CEP63: variants seen among roughly 807,000 people sequenced by gnomAD.
CEP63 encodes centrosomal protein of 63 kDa.
CEP63 carries 84 observed loss-of-function variants against 89.1 expected under a neutral mutation model. The ratio of observed to expected loss-of-function variants is 0.94; its 90% CI spans 0.79 to 1.13. CEP63 has a LOEUF of 1.13. CEP63 is among the 50% of genes most tolerant of loss of function. The probability of loss-of-function intolerance (pLI) is 0.00; values close to 1 mark genes in which losing one functional copy is unlikely to be tolerated. For synonymous variants in CEP63, 267 were observed against 272.5 expected, an observed-to-expected ratio of 0.98 and a Z score of 0.20; for missense variants, 838 against 813.3, an observed-to-expected ratio of 1.03 and a Z score of -0.37.
the CEP63 span, among the ~76,000 whole-genome samples, chr3:134,727,178 G>A: frequency 2.0e-5 from 3 of 152,286 alleles, no homozygotes; most frequent in East Asian, 5.8e-4. Flanking sequence ...AGCCCAGTCT[G>A]CAAAGGGGAG....
At chr3:134,497,327 A>G (rs558191985) in intron 2 of CEP63, among the ~76,000 whole-genome samples, 2 of 152,268 alleles carry the variant, frequency 1.3e-5, no homozygotes, top group African/African-American at 4.8e-5. Context: ...TCTTAACCAT[A>G]AAATCTTTGC....
At chr3:134,776,441 T>C in the CEP63 span, among the ~76,000 whole-genome samples, 1 of 152,176 alleles carries the variant, frequency 6.6e-6, no homozygotes, top group Non-Finnish European at 1.5e-5. Flanking sequence ...ATCTGGTGTA[T>C]ATTACACTGA....
At chr3:134,751,943 T>C in the CEP63 span, among the ~76,000 whole-genome samples, 41 of 152,028 alleles carry the variant, frequency 2.7e-4, no homozygotes, top group African/African-American at 8.4e-4. Flanking sequence ...TTTATTGGAG[T>C]TGTGTTTCTG....
At chr3:134,566,353 C>CA (rs986608297), downstream of CEP63, among the ~76,000 whole-genome samples, 1 of 151,830 alleles carries the variant, frequency 6.6e-6, no homozygotes, top group Admixed American at 6.6e-5. Context: ...ATATTAAATG[C>CA]AAAAAATGTG....
the CEP63 span, among the ~76,000 whole-genome samples, chr3:134,728,288 T>C: frequency 6.6e-6 from 1 of 152,162 alleles, no homozygotes; most frequent in African/African-American, 2.4e-5. Flanking sequence ...GGAAGGCAAA[T>C]TGGAAATGTG....
the CEP63 span, among the ~76,000 whole-genome samples, chr3:134,744,222 G>A: frequency 5.3e-5 from 8 of 152,054 alleles, no homozygotes; most frequent in South Asian, 4.1e-4. Context: ...AGGATATTAG[G>A]GCCCCTAGGT....
At position 134,561,646 on chromosome 3, in the gene CEP63, C is replaced by A; in HGVS notation, c.*111C>A. The A allele has an allele frequency of 6.6e-7, 1 of 1,511,368 alleles. No individual in the cohort carries two copies. Among genetic ancestry groups the A allele is most frequent in the Non-Finnish European group, 8.8e-7 (1 of 1,132,542 alleles). The allele number at this position is 1,511,368 out of a possible 1,614,324, so 93.6% of individuals were successfully genotyped here. A position where few individuals can be genotyped will look rare whatever the true frequency, so the allele number is the denominator to read the frequency against. On this transcript the variant is annotated 3_prime_UTR_variant, in exon 15 of 15. Coordinates refer to ENST00000675561, the MANE Select transcript of CEP63 (RefSeq NM_001353108.3). Reference sequence around the variant, plus strand: ...AAGAGATAAAATTATAAAAATGATACATCTAAAGCAGTGGTGAAGAAAGCT... The same window carrying A: ...AAGAGATAAAATTATAAAAATGATAAATCTAAAGCAGTGGTGAAGAAAGCT...
the CEP63 span, chr3:134,651,117 T>G: frequency 2.0e-6 from 3 of 1,503,324 alleles, no homozygotes; most frequent in Non-Finnish European, 2.7e-6. Flanking sequence ...TGCTTTTCGC[T>G]GACTCTGCCA....
chr3:134,548,120 A>T (rs1329695455), intron 9 of CEP63, among the ~76,000 whole-genome samples: 1 of 152,150 alleles, frequency 6.6e-6, no homozygotes, highest in African/African-American at 2.4e-5. Context: ...GGTATAAAAT[A>T]CGCTGTAACA....
At chr3:134,773,728 G>C in the CEP63 span, among the ~76,000 whole-genome samples, 1 of 151,616 alleles carries the variant, frequency 6.6e-6, no homozygotes, top group Non-Finnish European at 1.5e-5. Flanking sequence ...TACATCCCCT[G>C]ATTAAATGTT....
chr3:134,539,502 A>G (rs191186833), intron 6 of CEP63, among the ~76,000 whole-genome samples: 1 of 152,300 alleles, frequency 6.6e-6, no homozygotes, highest in Admixed American at 6.5e-5. Flanking sequence ...TAACTTCTTA[A>G]TATAATTTAA....
intron 3 of CEP63, among the ~76,000 whole-genome samples, chr3:134,529,541 G>T (rs565392977): frequency 2.6e-5 from 4 of 151,934 alleles, no homozygotes; most frequent in Non-Finnish European, 5.9e-5. Context: ...AGGTTTTGTC[G>T]TGTTGGCCAG....
chr3:134,602,130 G>A, the CEP63 span, among the ~76,000 whole-genome samples: 4 of 152,296 alleles, frequency 2.6e-5, no homozygotes, highest in Admixed American at 2.0e-4. Flanking sequence ...GGCTCTCAGG[G>A]GTTGGGGGGC....
chr3:134,696,756 A>G, the CEP63 span, among the ~76,000 whole-genome samples: 1 of 152,150 alleles, frequency 6.6e-6, no homozygotes, highest in East Asian at 1.9e-4. Context: ...AAACATGTAT[A>G]TTGCTTTTTT....
the CEP63 span, among the ~76,000 whole-genome samples, chr3:134,718,068 A>G: frequency 6.6e-6 from 1 of 152,186 alleles, no homozygotes; most frequent in Middle Eastern, 3.4e-3. Flanking sequence ...GGCTGATCCC[A>G]CCTCCCAGCC....
At chr3:134,743,316 G>A in the CEP63 span, among the ~76,000 whole-genome samples, 1 of 152,176 alleles carries the variant, frequency 6.6e-6, no homozygotes, top group Non-Finnish European at 1.5e-5. Flanking sequence ...AGTGGCCTGA[G>A]GTGATAACCA....
Position 134,564,806 on chromosome 3 carries a change from T to C in CEP63, c.*3271T>C. The C allele has an allele frequency of 1.0e-6, 1 of 985,392 alleles. No homozygotes were observed. The allele number at this position is 985,392 out of a possible 1,614,324, so 61.0% of individuals were successfully genotyped here. On this transcript the variant is annotated 3_prime_UTR_variant, in exon 15 of 15. Coordinates refer to ENST00000675561, the MANE Select transcript of CEP63 (RefSeq NM_001353108.3). ...CAGCCCGTTTCTGAAACGTTTGTACTACGTGTTGACTAGGAGGAACAATGA... is the reference window on the plus strand; with the variant it reads ...CAGCCCGTTTCTGAAACGTTTGTACCACGTGTTGACTAGGAGGAACAATGA...
intron 3 of CEP63, among the ~76,000 whole-genome samples, chr3:134,519,840 A>T (rs1305066722): frequency 6.6e-6 from 1 of 152,204 alleles, no homozygotes; most frequent in Admixed American, 6.5e-5. Context: ...TAGTTATCTC[A>T]ATCCAGGAAA....
At chr3:134,729,008 C>G in the CEP63 span, among the ~76,000 whole-genome samples, 1 of 152,128 alleles carries the variant, frequency 6.6e-6, no homozygotes, top group Non-Finnish European at 1.5e-5. Context: ...CACAGGCACA[C>G]ACACATGCAC....
Sources: gnomAD v4.1 joint callset for allele counts (sites outside exome capture counted in the v4.1 genomes callset) on GRCh38, gnomAD v4.1.1 for gene constraint, MANE v1.5 for transcripts, NCBI Gene and HGNC (gene_info 2026-07-23, HGNC 2026-07-21) for gene names.